Variants in FAM3C observed in about 807,000 individuals in gnomAD.
The protein encoded by FAM3C is protein FAM3C.
Under a neutral mutation model 32.5 loss-of-function variants are expected in FAM3C, and 15 were observed. The observed-to-expected ratio is 0.46, with a 90% CI of 0.31 to 0.71. The LOEUF (loss-of-function observed/expected upper bound fraction) is 0.71. Among genes scored for constraint, FAM3C ranks in the 30% least tolerant of loss-of-function variants. FAM3C has a pLI of 0.05. For synonymous variants in FAM3C, 75 were observed against 86.1 expected (o/e 0.87, Z 0.72); for missense variants, 175 against 274.4 (o/e 0.64, Z 2.56).
chr7:121,385,841 C>A (rs1794455331), intron 1 of FAM3C, among the ~76,000 whole-genome samples: 1 of 152,198 alleles, frequency 6.6e-6, no homozygotes, highest in Non-Finnish European at 1.5e-5. Context: ...GCAATTCACA[C>A]ACACCCTTAT....
chr7:121,385,259 G>GA (rs962362015), intron 1 of FAM3C, among the ~76,000 whole-genome samples: 8 of 151,688 alleles, frequency 5.3e-5, no homozygotes, highest in South Asian at 2.1e-4. Flanking sequence ...TTTTAGGATG[G>GA]AAAAAAAACC....
intron 2 of FAM3C, among the ~76,000 whole-genome samples, chr7:121,380,493 T>C (rs1226845574): frequency 6.6e-6 from 1 of 151,576 alleles, no homozygotes; most frequent in Non-Finnish European, 1.5e-5. Flanking sequence ...AGCTAAACAC[T>C]GAGAAGGGAA....
intron 1 of FAM3C, among the ~76,000 whole-genome samples, chr7:121,383,677 T>C (rs1257197042): frequency 3.3e-5 from 5 of 152,196 alleles, no homozygotes; most frequent in Non-Finnish European, 2.9e-5. Context: ...TTGATATTAC[T>C]GTAAGATCAA....
chr7:121,379,050 G>T (rs763881997), intron 2 of FAM3C, 36 bp from the exon 3 acceptor site: 11 of 1,149,718 alleles, frequency 9.6e-6, no homozygotes, highest in Non-Finnish European at 1.1e-5. Flanking sequence ...AACTTTGTAA[G>T]CCCACAGAAC....
At chr7:121,356,728 T>C (rs1793817280) in intron 8 of FAM3C, among the ~76,000 whole-genome samples, 1 of 152,184 alleles carries the variant, frequency 6.6e-6, no homozygotes, top group Admixed American at 6.5e-5. Context: ...GCCCTTCACG[T>C]AGGCATAACA....
rs938076261 is a variant in FAM3C, at chr7:121,369,500, C to T, written c.272+1800G>A. Among the ~76,000 whole-genome samples the T allele has an allele frequency of 2.0e-5, 3 of 152,112 alleles. No individual in the cohort carries two copies. In the South Asian group the frequency reaches 6.2e-4, roughly 32 times the overall value. Reference sequence around the variant, plus strand: ...CTCTCATGGTAATGGCAGAATGGTTCCTGAAATAAGGATGGATAGGTGGCC... The same window carrying T: ...CTCTCATGGTAATGGCAGAATGGTTTCTGAAATAAGGATGGATAGGTGGCC... On this transcript the variant is annotated intron_variant, in intron 5 of 9. Transcript: ENST00000359943.
At chr7:121,379,282 A>C (rs562051326) in intron 2 of FAM3C, among the ~76,000 whole-genome samples, 45 of 152,264 alleles carry the variant, frequency 3.0e-4, no homozygotes, top group Middle Eastern at 3.4e-3. Context: ...AAAATTACCT[A>C]TTAGTTGCTG....
intron 6 of FAM3C, among the ~76,000 whole-genome samples, chr7:121,363,626 C>T (rs1793969014): frequency 6.6e-6 from 1 of 152,156 alleles, no homozygotes; most frequent in African/African-American, 2.4e-5. Context: ...TGCAGTTAGG[C>T]CTCACTTTAT....
At position 121,359,944 on chromosome 7, in the gene FAM3C, G is replaced by A; in HGVS notation, c.467+99C>T. 8.6e-6 allele frequency: 6 copies of A among 701,726 alleles called. No individual in the cohort carries two copies. The South Asian group carries it at 1.0e-4, about 12-fold the overall frequency. The allele number at this position is 701,726 out of a possible 1,614,324, so 43.5% of individuals were successfully genotyped here. A position where few individuals can be genotyped will look rare whatever the true frequency, so the allele number is the denominator to read the frequency against. On this transcript the variant is annotated intron_variant, in intron 8 of 9. Coordinates refer to ENST00000359943, the MANE Select transcript of FAM3C (RefSeq NM_014888.3). ...GTTAGTTGTGTTTACCTGGTAGTTTGATTACTTTGCTCTATGTTACAGATT... is the reference window on the plus strand; with the variant it reads ...GTTAGTTGTGTTTACCTGGTAGTTTAATTACTTTGCTCTATGTTACAGATT...
intron 2 of FAM3C, among the ~76,000 whole-genome samples, chr7:121,381,075 G>A (rs1423969984): frequency 1.3e-5 from 2 of 152,028 alleles, no homozygotes; most frequent in Admixed American, 1.3e-4. Flanking sequence ...TACAGAGATC[G>A]CCCCCAAAGC....
chr7:121,377,738 T>A (rs930943141), intron 3 of FAM3C, among the ~76,000 whole-genome samples: 1 of 152,188 alleles, frequency 6.6e-6, no homozygotes, highest in Non-Finnish European at 1.5e-5. Flanking sequence ...CTTTTCCAAG[T>A]TTAGATACAT....
At chr7:121,383,048 T>C in intron 1 of FAM3C, 38 bp from the exon 2 acceptor site, 2 of 1,108,252 alleles carry the variant, frequency 1.8e-6, no homozygotes, top group Admixed American at 3.8e-5. Context: ...TCATTAGCTC[T>C]AGAGCAAACA....
At chr7:121,372,354 G>T (rs1794166034) in intron 3 of FAM3C, among the ~76,000 whole-genome samples, 2 of 152,048 alleles carry the variant, frequency 1.3e-5, no homozygotes, top group African/African-American at 4.8e-5. Flanking sequence ...TTTTACTACT[G>T]ATAAAACATT....
intron 1 of FAM3C, among the ~76,000 whole-genome samples, chr7:121,389,291 T>TCTTTC (rs142909478): frequency 0.019 from 2,835 of 152,268 alleles, 96 homozygotes; most frequent in African/African-American, 0.065. Context: ...CTACAGTTAT[T>TCTTTC]CTTTTCAGAA....
intron 7 of FAM3C, among the ~76,000 whole-genome samples, chr7:121,361,909 C>T (rs1396347887): frequency 1.3e-5 from 2 of 152,156 alleles, no homozygotes; most frequent in Non-Finnish European, 1.5e-5. Context: ...CATCTCCTGA[C>T]GTCGTGATCT....
At chr7:121,359,375 GAA>G (rs1793877235) in intron 8 of FAM3C, among the ~76,000 whole-genome samples, 1 of 151,828 alleles carries the variant, frequency 6.6e-6, no homozygotes, top group Non-Finnish European at 1.5e-5. Context: ...TTTTTATAAA[GAA>G]TATTTAATAA....
intron 1 of FAM3C, among the ~76,000 whole-genome samples, chr7:121,388,494 C>T (rs1298606879): frequency 1.3e-5 from 2 of 152,010 alleles, no homozygotes; most frequent in Non-Finnish European, 2.9e-5. Context: ...CAAAAGATCA[C>T]CAATGATTAT....
chr7:121,365,533 G>A (rs868023174), intron 5 of FAM3C, among the ~76,000 whole-genome samples: 5 of 152,032 alleles, frequency 3.3e-5, no homozygotes, highest in Non-Finnish European at 7.4e-5. Flanking sequence ...AGAAGCTATA[G>A]GGAGATACAT....
chr7:121,386,656 T>G (rs1265637677), intron 1 of FAM3C, among the ~76,000 whole-genome samples: 2 of 150,054 alleles, frequency 1.3e-5, no homozygotes, highest in Non-Finnish European at 3.0e-5. Context: ...TCTATATATC[T>G]AGAGCTATAT....
Sources: allele counts gnomAD v4.1 joint callset (sites outside exome capture counted in the v4.1 genomes callset), GRCh38; gene constraint gnomAD v4.1.1; transcripts MANE v1.5; gene names NCBI Gene and HGNC (gene_info 2026-07-23, HGNC 2026-07-21).